LRFN2: variants seen among roughly 807,000 people sequenced by gnomAD.
The protein encoded by LRFN2 is leucine rich repeat and fibronectin type III domain containing 2.
LRFN2 carries 18 observed loss-of-function variants against 37.3 expected under a neutral mutation model. The ratio of observed to expected loss-of-function variants is 0.48; its 90% CI spans 0.33 to 0.72. LRFN2 has a LOEUF of 0.72. Ranked by LOEUF, LRFN2 falls within the 30% of genes least tolerant of loss-of-function variation. The pLI is 0.02. For synonymous variants in LRFN2, 556 were observed against 466.6 expected, an observed-to-expected ratio of 1.19 and a Z score of -2.47; for missense variants, 1,006 against 1,060.7, an observed-to-expected ratio of 0.95 and a Z score of 0.72.
intron 1 of LRFN2, among the ~76,000 whole-genome samples, chr6:40,541,123 C>A (rs1766547946): frequency 3.9e-5 from 6 of 152,146 alleles, no homozygotes; most frequent in Admixed American, 3.9e-4. Context: ...ATCACTGGTA[C>A]AACCATCAGA....
intron 1 of LRFN2, among the ~76,000 whole-genome samples, chr6:40,443,889 G>A (rs1173551661): frequency 6.6e-6 from 1 of 152,166 alleles, no homozygotes; most frequent in Non-Finnish European, 1.5e-5. Context: ...AACCCAGTCA[G>A]GGCATAGCCA....
intron 1 of LRFN2, among the ~76,000 whole-genome samples, chr6:40,518,884 G>C (rs1158463722): frequency 6.6e-6 from 1 of 152,178 alleles, no homozygotes; most frequent in Non-Finnish European, 1.5e-5. Context: ...TCAGAAGCAA[G>C]TCGGTGAAGG....
chr6:40,391,973 G>A lies in LRFN2; in HGVS notation c.2340C>T (p.Ser780=). 1 of 1,594,554 alleles carries A rather than the reference G, an allele frequency of 6.3e-7. No individual in the cohort carries two copies. Among genetic ancestry groups the A allele is most frequent in the Non-Finnish European group, 8.5e-7 (1 of 1,169,688 alleles). Residue 780 remains serine, a synonymous_variant, in exon 3 of 3, where the codon AGC becomes AGT. Coordinates refer to ENST00000338305, the MANE Select transcript of LRFN2 (RefSeq NM_020737.3). ...DLVGARGTFG[S]SEWVMESTV ...CCGTGCTCTCCATCACCCATTCGGA[G>A]CTGCCAAAAGTCCCCCGGGCCCCCA...
intron 1 of LRFN2, among the ~76,000 whole-genome samples, chr6:40,506,107 G>A (rs916241653): frequency 1.3e-5 from 2 of 152,184 alleles, no homozygotes; most frequent in African/African-American, 2.4e-5. Context: ...AGGACTAGAC[G>A]CACTTTAGAA....
At chr6:40,466,513 G>T (rs1764470683) in intron 1 of LRFN2, among the ~76,000 whole-genome samples, 1 of 151,680 alleles carries the variant, frequency 6.6e-6, no homozygotes, top group Non-Finnish European at 1.5e-5. Flanking sequence ...ATAAGCAGGG[G>T]TTTCCATCAT....
intron 1 of LRFN2, among the ~76,000 whole-genome samples, chr6:40,507,045 C>T (rs1765562356): frequency 6.6e-6 from 1 of 152,188 alleles, no homozygotes; most frequent in Non-Finnish European, 1.5e-5. Flanking sequence ...GCAATGATGT[C>T]AGGTAATCGT....
chr6:40,437,606 G>A (rs1309548003), intron 1 of LRFN2, among the ~76,000 whole-genome samples: 2 of 152,182 alleles, frequency 1.3e-5, no homozygotes, highest in Non-Finnish European at 2.9e-5. Flanking sequence ...TGACAGAGAA[G>A]TGACTATTGA....
At chr6:40,468,153 C>G (rs1008508574) in intron 1 of LRFN2, among the ~76,000 whole-genome samples, 3 of 152,098 alleles carry the variant, frequency 2.0e-5, no homozygotes, top group African/African-American at 7.3e-5. Context: ...AGAGGTGAAC[C>G]TTTCTGAACC....
intron 1 of LRFN2, among the ~76,000 whole-genome samples, chr6:40,533,156 C>T (rs1766378782): frequency 6.6e-6 from 1 of 150,484 alleles, no homozygotes; most frequent in Admixed American, 6.6e-5. Flanking sequence ...GTCTCTGCCT[C>T]TGTCTCTGTC....
chr6:40,549,799 A>G (rs1053181456), intron 1 of LRFN2, among the ~76,000 whole-genome samples: 15 of 152,048 alleles, frequency 9.9e-5, no homozygotes, highest in Admixed American at 3.9e-4. Context: ...GCACTTTGGG[A>G]GGCCGAGGCA....
chr6:40,395,380 C>T (rs757057590), intron 2 of LRFN2, among the ~76,000 whole-genome samples: 3 of 152,300 alleles, frequency 2.0e-5, no homozygotes, highest in African/African-American at 2.4e-5. Flanking sequence ...GTGAAAAGTT[C>T]GCCCTGGCCT....
intron 1 of LRFN2, among the ~76,000 whole-genome samples, chr6:40,467,243 C>G (rs999050819): frequency 1.3e-5 from 2 of 151,888 alleles, no homozygotes; most frequent in Non-Finnish European, 2.9e-5. Flanking sequence ...AGGCCCTTTC[C>G]CCCTCCCATT....
intron 1 of LRFN2, among the ~76,000 whole-genome samples, chr6:40,577,144 C>T (rs1767300929): frequency 2.2e-5 from 2 of 89,368 alleles, no homozygotes; most frequent in African/African-American, 8.8e-5. Context: ...CTGTCTCACC[C>T]AGGCTGGAGT....
Position 40,432,538 on chromosome 6 carries a change from G to A in LRFN2, c.576C>T (p.Thr192=), listed in dbSNP as rs1196070402. ...HNLLDHIAEG[T]FADLQKLARL... ...GGGCCAGTTTCTGCAGGTCTGCAAAGGTGCCCTCGGCGATGTGATCCAGCA... is the reference window on the plus strand; with the variant it reads ...GGGCCAGTTTCTGCAGGTCTGCAAAAGTGCCCTCGGCGATGTGATCCAGCA... Residue 192 remains threonine, a synonymous_variant, in exon 2 of 3, where the codon ACC becomes ACT. Transcript: ENST00000338305. The A allele has an allele frequency of 1.2e-6, 2 of 1,614,154 alleles. No homozygotes were observed. Among genetic ancestry groups the A allele is most frequent in the Admixed American group, 1.7e-5 (1 of 60,014 alleles).
At chr6:40,481,444 A>AC (rs1186863229) in intron 1 of LRFN2, among the ~76,000 whole-genome samples, 2 of 151,268 alleles carry the variant, frequency 1.3e-5, no homozygotes, top group Non-Finnish European at 2.9e-5. Flanking sequence ...TGTCTCAAAA[A>AC]AAAAAAAAAA....
chr6:40,488,404 A>G (rs1256044825), intron 1 of LRFN2, among the ~76,000 whole-genome samples: 1 of 140,638 alleles, frequency 7.1e-6, no homozygotes. Flanking sequence ...TCCTGGCACC[A>G]GCACCCCCAT....
chr6:40,417,835 G>A (rs183442875), intron 2 of LRFN2, among the ~76,000 whole-genome samples: 19 of 152,230 alleles, frequency 1.2e-4, no homozygotes, highest in African/African-American at 3.6e-4. Flanking sequence ...AGAAAGAAGG[G>A]GTCCTTCTCC....
At chr6:40,450,899 C>A (rs1764086997) in intron 1 of LRFN2, among the ~76,000 whole-genome samples, 1 of 152,102 alleles carries the variant, frequency 6.6e-6, no homozygotes, top group Non-Finnish European at 1.5e-5. Context: ...GAAGGAAGAT[C>A]AGGGAAGAAT....
At chr6:40,399,304 T>A (rs1762679794) in intron 2 of LRFN2, among the ~76,000 whole-genome samples, 1 of 151,586 alleles carries the variant, frequency 6.6e-6, no homozygotes, top group South Asian at 2.1e-4. Context: ...CTATAGCGCC[T>A]CACTGTCCTG....
Sources: gnomAD v4.1 joint callset for allele counts (sites outside exome capture counted in the v4.1 genomes callset) on GRCh38, gnomAD v4.1.1 for gene constraint, MANE v1.5 for transcripts, NCBI Gene and HGNC (gene_info 2026-07-23, HGNC 2026-07-21) for gene names.